Variants in WDR19 observed in about 807,000 individuals in gnomAD.
WDR19 encodes the protein WD repeat domain 19, also known as WD repeat-containing protein 19.
A neutral mutation model predicts 180.0 loss-of-function variants in WDR19; 121 were observed. That is an observed-to-expected ratio of 0.67 (90% CI 0.58 to 0.78). WDR19 has a LOEUF of 0.78. Ranked by LOEUF, WDR19 falls within the 30% of genes least tolerant of loss-of-function variation. The pLI is 0.00. For synonymous variants in WDR19, 497 were observed against 540.7 expected (o/e 0.92, Z 1.12); for missense variants, 1,450 against 1,640.7 (o/e 0.88, Z 2.01).
chr4:39,266,867 T>C (rs917118603), intron 29 of WDR19, among the ~76,000 whole-genome samples: 2 of 152,192 alleles, frequency 1.3e-5, no homozygotes, highest in Non-Finnish European at 2.9e-5. Context: ...GTGGATCACT[T>C]GAGGTCAGGA....
intron 30 of WDR19, among the ~76,000 whole-genome samples, chr4:39,268,751 G>A (rs1053487829): frequency 1.3e-5 from 2 of 152,190 alleles, no homozygotes; most frequent in African/African-American, 4.8e-5. Flanking sequence ...AGGAGCTCAG[G>A]ATACAGAGAG....
Position 39,277,043 on chromosome 4 carries a change from A to G in WDR19, c.3740A>G (p.Glu1247Gly). The change falls in exon 34 of 37, where the codon GAA (glutamate) becomes GGA (glycine). Residue 1247 changes from glutamate (E) to glycine (G), a missense_variant. Physicochemically the swap from Glu to Gly is moderately conservative, Grantham distance 98. Coordinates refer to ENST00000399820, the MANE Select transcript of WDR19 (RefSeq NM_025132.4). ...AGGAGACCCGATATATCTGAGATAG[A>G]AGAGGCCACGACTCCATGTCCATTC... ...MVRRPDISEIEEATTPCPFCK... is the reference protein window; with the variant it reads ...MVRRPDISEIGEATTPCPFCK... 1 of 1,613,950 alleles carries G rather than the reference A, an allele frequency of 6.2e-7. No homozygotes were observed. Among genetic ancestry groups the G allele is most frequent in the Non-Finnish European group, 8.5e-7 (1 of 1,179,860 alleles).
intron 32 of WDR19, chr4:39,273,439 G>A (rs550115193): frequency 3.5e-4 from 72 of 204,244 alleles, no homozygotes; most frequent in African/African-American, 5.2e-4. Flanking sequence ...ATGGTGAAAC[G>A]TAGAGTGCCA....
At position 39,285,738 on chromosome 4, in the gene WDR19, C is replaced by CT. The variant is rs1737138522; in HGVS notation, c.*265_*266insT. The CT allele has an allele frequency of 6.6e-6, 1 of 152,182 alleles. No individual in the cohort carries two copies. Among genetic ancestry groups the CT allele is most frequent in the Non-Finnish European group, 1.5e-5 (1 of 68,042 alleles). 9.4% of individuals were successfully genotyped at this position (152,182 alleles called of 1,614,324 possible). A position where few individuals can be genotyped will look rare whatever the true frequency, so the allele number is the denominator to read the frequency against. On this transcript the variant is annotated 3_prime_UTR_variant, in exon 37 of 37. Coordinates refer to ENST00000399820, the MANE Select transcript of WDR19 (RefSeq NM_025132.4). ...CTGCACTGTTAATAGTAACCTATGA[C>CT]ATAATTGTAAATATTCAGCTTTTTG...
chr4:39,186,631 A>C (rs1205631961), intron 3 of WDR19, 27 bp downstream of exon 3: 1 of 1,485,448 alleles, frequency 6.7e-7, no homozygotes, highest in African/African-American at 1.4e-5. Context: ...ATTTAAAAAA[A>C]CCTGTCAAGT....
At chr4:39,212,970 A>G (rs1728704739) in intron 9 of WDR19, among the ~76,000 whole-genome samples, 1 of 152,230 alleles carries the variant, frequency 6.6e-6, no homozygotes, top group Admixed American at 6.5e-5. Context: ...AATAATAACA[A>G]ATACATGAAA....
rs1162493689 is a variant in WDR19, at chr4:39,240,787, T to TA, written c.2421+464dup. 2.5e-3 allele frequency among the ~76,000 whole-genome samples: 357 copies of TA among 143,804 alleles called. 1 individual carries two copies. Among genetic ancestry groups the TA allele is most frequent in the African/African-American group, 7.4e-3 (292 of 39,328 alleles). 94.3% of individuals were successfully genotyped at this position (143,804 alleles called of 152,430 possible). On this transcript the variant is annotated intron_variant, in intron 21 of 36. Transcript: ENST00000399820. ...CAATATGGTGAAACCCCATCTCTAC[T>TA]AAAAAAAAAAATACAAAAATTAGCC... is the stretch of plus-strand genomic sequence containing the variant.
chr4:39,194,685 A>C, intron 5 of WDR19, 26 bp downstream of exon 5: 1 of 1,514,088 alleles, frequency 6.6e-7, no homozygotes, highest in Non-Finnish European at 9.1e-7. Context: ...AAACACTGCT[A>C]AATATTTGAG....
chr4:39,201,820 TATAAG>T (rs1342670679), intron 6 of WDR19, among the ~76,000 whole-genome samples: 3 of 152,336 alleles, frequency 2.0e-5, no homozygotes, highest in Admixed American at 6.5e-5. Context: ...ATTATTTACA[TATAAG>T]ATAACTGTTT....
At chr4:39,251,262 G>T (rs532985597) in intron 24 of WDR19, among the ~76,000 whole-genome samples, 1 of 152,092 alleles carries the variant, frequency 6.6e-6, no homozygotes, top group Non-Finnish European at 1.5e-5. Context: ...ATGGGGAAAG[G>T]ATTCCCTATT....
intron 5 of WDR19, among the ~76,000 whole-genome samples, chr4:39,198,871 G>A (rs56153210): frequency 0.45 from 68,487 of 151,756 alleles, 18,579 homozygotes; most frequent in East Asian, 0.62. Flanking sequence ...GTGGTGGCTC[G>A]CCTGTAGTCC....
At chr4:39,281,236 T>TATATATATAGAGAGAGAGAG (rs762298152) in intron 36 of WDR19, among the ~76,000 whole-genome samples, 63 of 103,944 alleles carry the variant, frequency 6.1e-4, no homozygotes, top group African/African-American at 2.1e-3. Flanking sequence ...TATATATATA[T>TATATATATAGAGAGAGAGAG]AGAGAGAGAG....
intron 28 of WDR19, among the ~76,000 whole-genome samples, chr4:39,263,367 G>A (rs750574669): frequency 1.2e-4 from 18 of 152,002 alleles, no homozygotes; most frequent in Non-Finnish European, 2.5e-4. Context: ...ATTATACTAC[G>A]TCTTTCTGGA....
intron 1 of WDR19, among the ~76,000 whole-genome samples, chr4:39,184,594 G>A (rs543798663): frequency 9.2e-4 from 140 of 152,022 alleles, no homozygotes; most frequent in Non-Finnish European, 1.7e-3. Flanking sequence ...AGCCTCCCAA[G>A]TAGATGGGAT....
chr4:39,187,548 G>A (rs1725702532), intron 3 of WDR19, among the ~76,000 whole-genome samples: 1 of 151,712 alleles, frequency 6.6e-6, no homozygotes, highest in Non-Finnish European at 1.5e-5. Flanking sequence ...TACTTCTCTT[G>A]GTCTCTAACA....
chr4:39,270,501 A>G (rs1004050959), intron 31 of WDR19, among the ~76,000 whole-genome samples: 6 of 151,936 alleles, frequency 3.9e-5, no homozygotes, highest in African/African-American at 1.5e-4. Context: ...TCAGCCTTCC[A>G]AGTAGCTGGG....
At chr4:39,259,468 T>C (rs143979521) in intron 28 of WDR19, among the ~76,000 whole-genome samples, 95 of 152,330 alleles carry the variant, frequency 6.2e-4, no homozygotes, top group African/African-American at 2.2e-3. Flanking sequence ...GATTTGCCTA[T>C]CCTAGACATT....
intron 19 of WDR19, among the ~76,000 whole-genome samples, chr4:39,234,228 T>C (rs1418471083): frequency 1.3e-5 from 2 of 152,162 alleles, no homozygotes; most frequent in African/African-American, 2.4e-5. Context: ...AAAAGATTAA[T>C]GATGAGTTTA....
intron 31 of WDR19, among the ~76,000 whole-genome samples, chr4:39,270,452 T>C (rs922581672): frequency 1.3e-5 from 2 of 152,210 alleles, no homozygotes; most frequent in Non-Finnish European, 2.9e-5. Flanking sequence ...CTCGGCTCAC[T>C]GCAACCTCTG....
Sources: gnomAD v4.1 joint callset for allele counts (sites outside exome capture counted in the v4.1 genomes callset) on GRCh38, gnomAD v4.1.1 for gene constraint, MANE v1.5 for transcripts, NCBI Gene and HGNC (gene_info 2026-07-23, HGNC 2026-07-21) for gene names.